The following POU6F2 variants were observed in gnomAD, a reference collection of about 807,000 sequenced individuals.
POU6F2 encodes POU class 6 homeobox 2.
In POU6F2, 31 loss-of-function variants were observed where a neutral mutation model predicts 71.3. That is an observed-to-expected ratio of 0.43 (90% confidence interval 0.33 to 0.59). The LOEUF (loss-of-function observed/expected upper bound fraction) is 0.59. POU6F2 is among the 20% of genes least tolerant of loss of function. POU6F2 has a pLI of 0.04. For missense variants in POU6F2, 783 were observed against 856.8 expected, an observed-to-expected ratio of 0.91 and a Z score of 1.07; for synonymous variants, 347 against 355.7, an observed-to-expected ratio of 0.98 and a Z score of 0.27.
chr7:39,270,708 G>C (rs375573526), intron 4 of POU6F2, among the ~76,000 whole-genome samples: 2 of 152,108 alleles, frequency 1.3e-5, no homozygotes, highest in African/African-American at 4.8e-5. Flanking sequence ...AGGCCTGGAG[G>C]GTCGCGGAGT....
chr7:39,083,121 T>G (rs1417899452), intron 1 of POU6F2, among the ~76,000 whole-genome samples: 1 of 152,204 alleles, frequency 6.6e-6, no homozygotes, highest in Non-Finnish European at 1.5e-5. Context: ...CAGCTGCATT[T>G]CAGCTCGTCA....
intron 5 of POU6F2, among the ~76,000 whole-genome samples, chr7:39,395,253 T>C (rs542099108): frequency 1.8e-4 from 28 of 152,160 alleles, no homozygotes; most frequent in Non-Finnish European, 3.2e-4. Context: ...CTTTCCTCCT[T>C]CTACTTCATG....
rs551635281 is a variant in POU6F2 at position 39,415,322 on chromosome 7, C to T, written c.1113+8582C>T. ...ACAGGCGTGAGCCACCGCTCCTGCC[C>T]CATCTTTTTAATTTTTATCCATGAG... On this transcript the variant is annotated intron_variant, in intron 6 of 9. Coordinates refer to ENST00000518318, the MANE Select transcript of POU6F2 (RefSeq NM_001370959.1). 2.4e-4 allele frequency among the ~76,000 whole-genome samples: 36 copies of T among 152,352 alleles called. No homozygotes were observed. In the South Asian group the frequency reaches 7.0e-3, roughly 30 times the overall value.
chr7:39,446,510 A>G lies in POU6F2; in HGVS notation c.1321-5023A>G, dbSNP rs1788527127. Among the ~76,000 whole-genome samples the G allele has an allele frequency of 2.6e-5, 4 of 152,370 alleles. No homozygotes were observed. The South Asian group carries it at 8.3e-4, about 32-fold the overall frequency. On this transcript the variant is annotated intron_variant, in intron 7 of 9. Coordinates refer to ENST00000518318, the MANE Select transcript of POU6F2 (RefSeq NM_001370959.1). ...GATGATTTATTCCAGAAACTAAAACATTATTAACGATATACCGCATAACAC... is the reference window on the plus strand; with the variant it reads ...GATGATTTATTCCAGAAACTAAAACGTTATTAACGATATACCGCATAACAC...
chr7:39,165,303 G>A (rs1162522935), intron 2 of POU6F2, among the ~76,000 whole-genome samples: 1 of 152,112 alleles, frequency 6.6e-6, no homozygotes, highest in Non-Finnish European at 1.5e-5. Context: ...TTTGTCCTCA[G>A]TCTCAACTGA....
chr7:39,363,022 C>G (rs1172599776), intron 5 of POU6F2, among the ~76,000 whole-genome samples: 1 of 152,104 alleles, frequency 6.6e-6, no homozygotes, highest in East Asian at 1.9e-4. Context: ...AGAACTGTAG[C>G]TAGTACTCGG....
chr7:39,292,635 A>G lies in POU6F2; in HGVS notation c.599-47007A>G, dbSNP rs182841581. The stretch of plus-strand genomic sequence containing the variant: ...GTCTCAAGACACTAAAACTGAGGCT[A>G]GTCAGCAAGAGCAACTTTATGGAGC... On this transcript the variant is annotated intron_variant, in intron 4 of 9. Coordinates refer to ENST00000518318, the MANE Select transcript of POU6F2 (RefSeq NM_001370959.1). 2.4e-3 allele frequency among the ~76,000 whole-genome samples: 367 copies of G among 152,364 alleles called. 9 individuals are homozygous for G. Among genetic ancestry groups the G allele is most frequent in the Admixed American group, 0.021 (328 of 15,304 alleles).
chr7:39,284,139 A>G (rs373523865), intron 4 of POU6F2, among the ~76,000 whole-genome samples: 1 of 152,332 alleles, frequency 6.6e-6, no homozygotes, highest in East Asian at 1.9e-4. Context: ...TGGTAGTAAG[A>G]TAAATTTTTC....
rs535378735 is a variant in POU6F2, at chr7:39,357,256, G to C, written c.972+17241G>C. On this transcript the variant is annotated intron_variant, in intron 5 of 9. Transcript: ENST00000518318. ...ACTGCAAGAGCAGGCAAACACACAT[G>C]GAATCTCCCAGTATGAAAACAAGGA... Among the ~76,000 whole-genome samples, 396 of 152,238 alleles carry C rather than the reference G, an allele frequency of 2.6e-3. 2 individuals carry two copies. The highest frequency in any genetic ancestry group is 4.4e-3 in the South Asian group (21 of 4,822).
chr7:39,308,424 G>A (rs1306137011), intron 4 of POU6F2, among the ~76,000 whole-genome samples: 1 of 152,176 alleles, frequency 6.6e-6, no homozygotes, highest in African/African-American at 2.4e-5. Context: ...TCCCATGAGG[G>A]GCCCTGGGAC....
intron 2 of POU6F2, among the ~76,000 whole-genome samples, chr7:39,144,833 G>T (rs1374063587): frequency 6.6e-6 from 1 of 152,182 alleles, no homozygotes; most frequent in Non-Finnish European, 1.5e-5. Context: ...TAGACACACT[G>T]CAGGAACACA....
chr7:39,003,429 A>T (rs1028928247), intron 1 of POU6F2, among the ~76,000 whole-genome samples: 1 of 151,930 alleles, frequency 6.6e-6, no homozygotes, highest in Non-Finnish European at 1.5e-5. Context: ...AAAAGGAAGC[A>T]TCTGATGTCT....
chr7:39,159,454 T>C (rs10228432), intron 2 of POU6F2, among the ~76,000 whole-genome samples: 41,980 of 152,108 alleles, frequency 0.28, 6,287 homozygotes, highest in East Asian at 0.69. Flanking sequence ...CAGAAGTTAT[T>C]GTCCAAAGAC....
At chr7:39,070,115 C>A (rs1790845861) in intron 1 of POU6F2, among the ~76,000 whole-genome samples, 1 of 152,094 alleles carries the variant, frequency 6.6e-6, no homozygotes, top group South Asian at 2.1e-4. Flanking sequence ...AAGGAAGCAG[C>A]CAGTACTGGT....
intron 1 of POU6F2, among the ~76,000 whole-genome samples, chr7:39,022,989 T>A (rs188054580): frequency 6.6e-6 from 1 of 152,088 alleles, no homozygotes; most frequent in African/African-American, 2.4e-5. Flanking sequence ...TTGCTCCATA[T>A]CTTCACCAGC....
intron 4 of POU6F2, among the ~76,000 whole-genome samples, chr7:39,221,392 T>C (rs188268667): frequency 0.023 from 3,216 of 142,364 alleles, 128 homozygotes; most frequent in East Asian, 0.054. Flanking sequence ...CTCTTTTTTT[T>C]TTTTTTTTTT....
chr7:39,021,551 CTT>C (rs1419300664), intron 1 of POU6F2, among the ~76,000 whole-genome samples: 2 of 151,846 alleles, frequency 1.3e-5, no homozygotes, highest in Non-Finnish European at 2.9e-5. Context: ...TTCAAGAATT[CTT>C]TCTTTGTAAT....
chr7:39,050,871 T>A (rs1438732943), intron 1 of POU6F2, among the ~76,000 whole-genome samples: 1 of 152,186 alleles, frequency 6.6e-6, no homozygotes, highest in East Asian at 1.9e-4. Context: ...AATAAGTGCT[T>A]ATCAGTTTGC....
chr7:39,159,039 G>T (rs59715724), intron 2 of POU6F2, among the ~76,000 whole-genome samples: 17,235 of 151,846 alleles, frequency 0.11, 1,052 homozygotes, highest in Middle Eastern at 0.14. Flanking sequence ...TTAGCCAGGT[G>T]TGGTGGTGCG....
Sources: allele counts gnomAD v4.1 joint callset (sites outside exome capture counted in the v4.1 genomes callset), GRCh38; gene constraint gnomAD v4.1.1; transcripts MANE v1.5; gene names NCBI Gene and HGNC (gene_info 2026-07-23, HGNC 2026-07-21).